The following GRM5 variants were observed in gnomAD, a reference collection of about 807,000 sequenced individuals.
GRM5 encodes glutamate metabotropic receptor 5.
A neutral mutation model predicts 83.1 loss-of-function variants in GRM5; 19 were observed. That is an observed-to-expected ratio of 0.23 (90% CI 0.16 to 0.34). GRM5 has a LOEUF of 0.34. Among genes scored for constraint, GRM5 ranks in the 10% least tolerant of loss-of-function variants. The probability of loss-of-function intolerance (pLI) is 1.00; values close to 1 mark genes in which losing one functional copy is unlikely to be tolerated. For missense variants in GRM5, 1,160 were observed against 1,588.3 expected (o/e 0.73, Z 4.58); for synonymous variants, 675 against 633.6 (o/e 1.07, Z -0.98).
chr11:88,750,453 C>T (rs1416013074), intron 3 of GRM5, among the ~76,000 whole-genome samples: 1 of 152,132 alleles, frequency 6.6e-6, no homozygotes, highest in Non-Finnish European at 1.5e-5. Context: ...TTCTTAGAGA[C>T]CTCCAAAGAG....
At chr11:88,764,893 A>G (rs1203545282) in intron 3 of GRM5, among the ~76,000 whole-genome samples, 33 of 151,616 alleles carry the variant, frequency 2.2e-4, no homozygotes, top group Admixed American at 2.2e-3. Flanking sequence ...TAGAAAGATT[A>G]TAGAGAAAAT....
intron 2 of GRM5, among the ~76,000 whole-genome samples, chr11:89,008,025 T>C (rs1489776724): frequency 1.3e-5 from 2 of 152,168 alleles, no homozygotes; most frequent in Non-Finnish European, 2.9e-5. Flanking sequence ...TTCAATACCA[T>C]TGTATGTACT....
chr11:88,845,670 T>G (rs557692331), intron 3 of GRM5, among the ~76,000 whole-genome samples: 1 of 151,578 alleles, frequency 6.6e-6, no homozygotes, highest in African/African-American at 2.4e-5. Flanking sequence ...CCTGACTTCA[T>G]GATCCACCCG....
chr11:88,705,011 AAACAT>A (rs1423839532), intron 3 of GRM5, among the ~76,000 whole-genome samples: 5 of 152,108 alleles, frequency 3.3e-5, no homozygotes, highest in South Asian at 2.1e-4. Context: ...GCATCAGCAT[AAACAT>A]AACATATGAT....
intron 1 of GRM5, among the ~76,000 whole-genome samples, chr11:89,060,296 A>G (rs1260740926): frequency 6.6e-6 from 1 of 151,936 alleles, no homozygotes. Flanking sequence ...ACACACACAC[A>G]CACACACACA....
At chr11:89,045,765 T>C (rs1941628978) in intron 2 of GRM5, among the ~76,000 whole-genome samples, 1 of 152,194 alleles carries the variant, frequency 6.6e-6, no homozygotes, top group African/African-American at 2.4e-5. Context: ...AAATGCATGA[T>C]TTATTTGATG....
chr11:88,684,771 G>C (rs1475712821), intron 3 of GRM5, among the ~76,000 whole-genome samples: 1 of 152,174 alleles, frequency 6.6e-6, no homozygotes, highest in East Asian at 1.9e-4. Context: ...CACAAGATCT[G>C]ATGGTTTTAT....
chr11:88,806,630 A>G (rs1325786560), intron 3 of GRM5, among the ~76,000 whole-genome samples: 1 of 152,170 alleles, frequency 6.6e-6, no homozygotes, highest in Non-Finnish European at 1.5e-5. Context: ...TGTGGCTGAC[A>G]ATACTGAGGT....
At chr11:88,833,178 C>T (rs1351342727) in intron 3 of GRM5, among the ~76,000 whole-genome samples, 1 of 151,936 alleles carries the variant, frequency 6.6e-6, no homozygotes, top group Admixed American at 6.6e-5. Context: ...GAAGAGATAA[C>T]CTGTTGAATG....
chr11:89,051,249 G>A (rs1286049498), intron 1 of GRM5, among the ~76,000 whole-genome samples: 1 of 148,570 alleles, frequency 6.7e-6, no homozygotes, highest in Non-Finnish European at 1.5e-5. Flanking sequence ...GAGAGACTCC[G>A]TCTCACAAAA....
chr11:88,567,365 T>C lies in GRM5; in HGVS notation c.2318A>G (p.Tyr773Cys). The part of the protein sequence containing the change: ...NVPANFNEAK[Y>C]IAFTMYTTCI... ...GGTCGTGTACATTGTGAAGGCGATA[T>C]ACTTGGCCTCGTTGAAGTTAGCTGG... Residue 773 changes from tyrosine (Y) to cysteine (C), a missense_variant, in exon 8 of 10, where the codon TAT (tyrosine) becomes TGT (cysteine). Physicochemically the swap from Tyr to Cys is radical, Grantham distance 194. Transcript: ENST00000305447. This position sits in a 1 kb window ranked among gnomAD's most constrained non-coding sequence, Gnocchi z 7.3. 1 of 1,614,156 alleles carries C rather than the reference T, an allele frequency of 6.2e-7. No individual in the cohort carries two copies. The highest frequency in any genetic ancestry group is 8.5e-7 in the Non-Finnish European group (1 of 1,179,988).
chr11:88,656,011 G>T (rs188239116), intron 3 of GRM5, among the ~76,000 whole-genome samples: 8 of 152,132 alleles, frequency 5.3e-5, no homozygotes, highest in African/African-American at 1.9e-4. Flanking sequence ...TTTAAGATTT[G>T]CATTAAGATG....
rs146107068 is a variant in GRM5 at position 88,801,559 on chromosome 11, C to T, written c.911+48347G>A. 2.3e-3 allele frequency among the ~76,000 whole-genome samples: 350 copies of T among 152,146 alleles called. 1 individual carries two copies. The highest frequency in any genetic ancestry group is 2.7e-3 in the Non-Finnish European group (181 of 67,996). Reference sequence around the variant, plus strand: ...ATCTACTTGTAAATAATCATCCATGCAAGGGTTATTAGCATCAAATTAAGG... The same window carrying T: ...ATCTACTTGTAAATAATCATCCATGTAAGGGTTATTAGCATCAAATTAAGG... On this transcript the variant is annotated intron_variant, in intron 3 of 9. Coordinates refer to ENST00000305447, the MANE Select transcript of GRM5 (RefSeq NM_001143831.3).
At chr11:88,828,044 C>A (rs2135516696) in intron 3 of GRM5, among the ~76,000 whole-genome samples, 1 of 152,056 alleles carries the variant, frequency 6.6e-6, no homozygotes, top group African/African-American at 2.4e-5. Flanking sequence ...ATGTTGATAT[C>A]TGGGGGAAGG....
In GRM5 at chr11:88,668,855, A is replaced by C. The variant is rs535712413; in HGVS notation, c.912-15452T>G. On this transcript the variant is annotated intron_variant, in intron 3 of 9. Transcript: ENST00000305447. ...CAACCACAATTCAGTTTATGCTTTTATCAAGTTGACTGTTTTAGTCATCTA... is the reference window on the plus strand; with the variant it reads ...CAACCACAATTCAGTTTATGCTTTTCTCAAGTTGACTGTTTTAGTCATCTA... Among the ~76,000 whole-genome samples the C allele has an allele frequency of 1.4e-4, 21 of 152,270 alleles. No individual in the cohort carries two copies. In the South Asian group the frequency reaches 3.1e-3, roughly 23 times the overall value.
At chr11:88,842,507 A>G (rs4611205) in intron 3 of GRM5, among the ~76,000 whole-genome samples, 1 of 152,122 alleles carries the variant, frequency 6.6e-6, no homozygotes, top group Admixed American at 6.5e-5. Flanking sequence ...TAAATTGCCA[A>G]TTCTCTCCAC....
chr11:88,987,668 T>C (rs978744083), intron 2 of GRM5, among the ~76,000 whole-genome samples: 9 of 152,156 alleles, frequency 5.9e-5, no homozygotes, highest in East Asian at 3.9e-4. Flanking sequence ...GATCTGAGAA[T>C]GGGCAGACTG....
intron 2 of GRM5, among the ~76,000 whole-genome samples, chr11:89,020,679 G>C (rs575142170): frequency 6.6e-6 from 1 of 152,170 alleles, no homozygotes; most frequent in Admixed American, 6.5e-5. Context: ...TGCCTATCTG[G>C]TTTTTGATGA....
chr11:89,005,641 T>C (rs942035343), intron 2 of GRM5, among the ~76,000 whole-genome samples: 1 of 152,172 alleles, frequency 6.6e-6, no homozygotes, highest in Non-Finnish European at 1.5e-5. Context: ...ATTCTGCGAG[T>C]ATTAAATATG....
Sources: allele counts gnomAD v4.1 joint callset (sites outside exome capture counted in the v4.1 genomes callset), GRCh38; gene constraint gnomAD v4.1.1; non-coding constraint Gnocchi (gnomAD v3.1); transcripts MANE v1.5; gene names NCBI Gene and HGNC (gene_info 2026-07-23, HGNC 2026-07-21).